Variants in GNG7 observed in about 807,000 individuals in gnomAD.
GNG7 encodes guanine nucleotide-binding protein G(I)/G(S)/G(O) subunit gamma-7.
In GNG7, 1 loss-of-function variant was observed where a neutral mutation model predicts 4.0. That is an observed-to-expected ratio of 0.25 (90% CI 0.09 to 1.18). The LOEUF is 1.18. GNG7 is among the 50% of genes most tolerant of loss of function. The probability of loss-of-function intolerance (pLI) is 0.50; values close to 1 mark genes in which losing one functional copy is unlikely to be tolerated. For missense variants in GNG7, 86 were observed against 91.9 expected (o/e 0.94, Z 0.26); for synonymous variants, 34 against 36.9 (o/e 0.92, Z 0.29).
intron 2 of GNG7, among the ~76,000 whole-genome samples, chr19:2,597,354 T>G (rs1340858607): frequency 1.3e-5 from 2 of 152,192 alleles, no homozygotes; most frequent in Non-Finnish European, 2.9e-5. Context: ...CCTAACACTG[T>G]GGGAGGCCGA....
intron 1 of GNG7, among the ~76,000 whole-genome samples, chr19:2,697,093 G>A (rs764798911): frequency 3.3e-5 from 5 of 152,104 alleles, no homozygotes; most frequent in African/African-American, 4.8e-5. Flanking sequence ...CACCTGCTTC[G>A]GCCTCCCAAA....
intron 1 of GNG7, among the ~76,000 whole-genome samples, chr19:2,647,793 C>T (rs187793805): frequency 3.9e-5 from 6 of 152,074 alleles, no homozygotes; most frequent in African/African-American, 1.2e-4. Flanking sequence ...TTTGGGGGGC[C>T]GAGGTGGGAG....
Position 2,643,186 on chromosome 19 carries a change from C to T in GNG7, c.-78+3038G>A, listed in dbSNP as rs1320099416. On this transcript the variant is annotated intron_variant, in intron 2 of 4. Coordinates refer to ENST00000382159, the MANE Select transcript of GNG7 (RefSeq NM_052847.3). ...ACCAGAAATGCAAAGTCGGAGACCT[C>T]TCCGGGCTCTGCACACCTTCCGGCC... 3.5e-5 allele frequency: 16 copies of T among 452,206 alleles called. No individual in the cohort carries two copies. The Admixed American group carries it at 3.6e-4, about 10-fold the overall frequency. 28.0% of individuals were successfully genotyped at this position (452,206 alleles called of 1,614,324 possible).
At position 2,675,491 on chromosome 19, in the gene GNG7, A is replaced by T. The variant is rs149495193; in HGVS notation, c.-135+27155T>A. On this transcript the variant is annotated intron_variant, in intron 1 of 4. Transcript: ENST00000382159. ...TGACGGTAAAGAAGCAGGGAGCGTT[A>T]TTTAGCAAACCAGGCTGGTTAAAGA... 3.3e-5 allele frequency among the ~76,000 whole-genome samples: 5 copies of T among 152,294 alleles called. No individual in the cohort carries two copies. The East Asian group carries it at 9.6e-4, about 29-fold the overall frequency.
chr19:2,581,753 C>G (rs1200130269), intron 2 of GNG7, among the ~76,000 whole-genome samples: 4 of 152,206 alleles, frequency 2.6e-5, no homozygotes, highest in African/African-American at 9.6e-5. Flanking sequence ...GTGTTATGGT[C>G]TAAGGTGTAG....
intron 1 of GNG7, among the ~76,000 whole-genome samples, chr19:2,682,584 AC>A (rs1299689451): frequency 6.8e-6 from 1 of 146,546 alleles, no homozygotes; most frequent in Admixed American, 7.0e-5. Context: ...AATCACTTGA[AC>A]CCGGGAGACG....
At chr19:2,597,076 T>G (rs1040727497) in intron 2 of GNG7, among the ~76,000 whole-genome samples, 5 of 151,896 alleles carry the variant, frequency 3.3e-5, no homozygotes, top group Admixed American at 3.3e-4. Flanking sequence ...CTGGACAACA[T>G]AGCAAGACCC....
Position 2,633,301 on chromosome 19 carries a change from C to T in GNG7, c.-78+12923G>A, listed in dbSNP as rs972526186. Among the ~76,000 whole-genome samples, 6 of 152,292 alleles carry T rather than the reference C, an allele frequency of 3.9e-5. No individual in the cohort carries two copies. The highest frequency in any genetic ancestry group is 2.1e-4 in the South Asian group (1 of 4,826). On this transcript the variant is annotated intron_variant, in intron 2 of 4. Coordinates refer to ENST00000382159, the MANE Select transcript of GNG7 (RefSeq NM_052847.3). The surrounding 1 kb of genome is among the most constrained non-coding windows in gnomAD (Gnocchi z 5.9). ...AGAGCCATCCTCTCTGGCCTCCACT[C>T]GGCTCCCCCATGTCCCCTGCCCCCA...
chr19:2,580,580 C>A (rs1481941872), intron 2 of GNG7, among the ~76,000 whole-genome samples: 1 of 151,862 alleles, frequency 6.6e-6, no homozygotes, highest in African/African-American at 2.4e-5. Context: ...CATGAACCAC[C>A]GTGCCCAGCT....
chr19:2,586,633 A>T (rs1467809373), intron 2 of GNG7, among the ~76,000 whole-genome samples: 1 of 152,152 alleles, frequency 6.6e-6, no homozygotes, highest in East Asian at 1.9e-4. Context: ...ATTTACACAC[A>T]CGCACGCAAG....
chr19:2,557,347 A>G lies in GNG7; in HGVS notation c.-77-2159T>C, dbSNP rs563249475. Among the ~76,000 whole-genome samples the G allele has an allele frequency of 1.1e-5, 1 of 94,702 alleles. No homozygotes were observed. Among genetic ancestry groups the G allele is most frequent in the East Asian group, 3.3e-4 (1 of 2,990 alleles). 62.1% of individuals were successfully genotyped at this position (94,702 alleles called of 152,430 possible). On this transcript the variant is annotated intron_variant, in intron 2 of 4. Coordinates refer to ENST00000382159, the MANE Select transcript of GNG7 (RefSeq NM_052847.3). The surrounding 1 kb of genome is among the most constrained non-coding windows in gnomAD (Gnocchi z 5.1). ...TGTGCACACAGACACACACATGTGC[A>G]CACACACAGACACACACACACGTGC...
chr19:2,604,911 T>C (rs900103654), intron 2 of GNG7, among the ~76,000 whole-genome samples: 5 of 152,206 alleles, frequency 3.3e-5, no homozygotes, highest in African/African-American at 1.2e-4. Flanking sequence ...ATTCTGTCGT[T>C]GGAGTCCAAG....
chr19:2,682,351 A>G (rs1200464977), intron 1 of GNG7, among the ~76,000 whole-genome samples: 1 of 152,098 alleles, frequency 6.6e-6, no homozygotes, highest in Admixed American at 6.6e-5. Context: ...CAAAATGCAG[A>G]CAGAGCCATC....
chr19:2,658,557 T>C (rs1469521158), intron 1 of GNG7, among the ~76,000 whole-genome samples: 1 of 151,770 alleles, frequency 6.6e-6, no homozygotes, highest in African/African-American at 2.4e-5. Context: ...ATGTCATCCA[T>C]TATGCCACGG....
Position 2,513,285 on chromosome 19 carries a change from C to T in GNG7, c.*1737G>A, listed in dbSNP as rs1341323539. The stretch of plus-strand genomic sequence containing the variant: ...AACCCTCTCGGCACGGGTTCTTAGA[C>T]GCCTGTCTCCACTGGGGCCGGAGGG... On this transcript the variant is annotated 3_prime_UTR_variant, in exon 5 of 5. Coordinates refer to ENST00000382159, the MANE Select transcript of GNG7 (RefSeq NM_052847.3). 2.9e-6 allele frequency: 1 copy of T among 349,650 alleles called. No homozygotes were observed. The highest frequency in any genetic ancestry group is 4.0e-6 in the Non-Finnish European group (1 of 248,738). 21.7% of individuals were successfully genotyped at this position (349,650 alleles called of 1,614,324 possible).
chr19:2,668,295 T>C (rs183148249), intron 1 of GNG7, among the ~76,000 whole-genome samples: 15 of 150,846 alleles, frequency 9.9e-5, no homozygotes, highest in African/African-American at 3.7e-4. Flanking sequence ...TGCTGTAAAA[T>C]GTGATTGAGG....
rs939602007 is a variant in GNG7 at position 2,696,640 on chromosome 19, C to T, written c.-135+6006G>A. 5.9e-5 allele frequency among the ~76,000 whole-genome samples: 9 copies of T among 152,310 alleles called. No individual in the cohort carries two copies. The East Asian group carries it at 7.7e-4, about 13-fold the overall frequency. On this transcript the variant is annotated intron_variant, in intron 1 of 4. Transcript: ENST00000382159. ...AACACGACTCAGCCCTGAAAAGGGT[C>T]GAGGCTCTGACGCAGGCCACAGCAC...
At position 2,626,205 on chromosome 19, in the gene GNG7, G is replaced by T. The variant is rs1982016984; in HGVS notation, c.-78+20019C>A. Reference sequence around the variant, plus strand: ...GTGCCCACCTGACCCCGTGTCTCCAGCGGGAACGTGAAGCTGATGCTGCTC... The same window carrying T: ...GTGCCCACCTGACCCCGTGTCTCCATCGGGAACGTGAAGCTGATGCTGCTC... On this transcript the variant is annotated intron_variant, in intron 2 of 4. Transcript: ENST00000382159. The surrounding 1 kb of genome is among the most constrained non-coding windows in gnomAD (Gnocchi z 5.0). Among the ~76,000 whole-genome samples, 1 of 152,156 alleles carries T rather than the reference G, an allele frequency of 6.6e-6. No homozygotes were observed. The highest frequency in any genetic ancestry group is 2.1e-4 in the South Asian group (1 of 4,832).
chr19:2,617,634 TC>T lies in GNG7; in HGVS notation c.-78+28589del, dbSNP rs1981755978. On this transcript the variant is annotated intron_variant, in intron 2 of 4. Coordinates refer to ENST00000382159, the MANE Select transcript of GNG7 (RefSeq NM_052847.3). This position sits in a 1 kb window ranked among gnomAD's most constrained non-coding sequence, Gnocchi z 4.7. ...CATCCTGCAGGGGTTGGCAAGGATG[TC>T]CCCTCCTTAGAGACCTTCCTGGACA... 6.6e-6 allele frequency among the ~76,000 whole-genome samples: 1 copy of T among 151,972 alleles called. No individual in the cohort carries two copies. The highest frequency in any genetic ancestry group is 2.4e-5 in the African/African-American group (1 of 41,366).
Sources: gnomAD v4.1 joint callset for allele counts (sites outside exome capture counted in the v4.1 genomes callset) on GRCh38, gnomAD v4.1.1 for gene constraint, Gnocchi (gnomAD v3.1) non-coding constraint, MANE v1.5 for transcripts, NCBI Gene and HGNC (gene_info 2026-07-23, HGNC 2026-07-21) for gene names.